The following COLQ variants were observed in gnomAD, a reference collection of about 807,000 sequenced individuals.
COLQ encodes the protein acetylcholinesterase collagenic tail peptide.
COLQ carries 48 observed loss-of-function variants against 69.0 expected under a neutral mutation model. That is an observed-to-expected ratio of 0.70 (90% CI 0.55 to 0.88). The LOEUF (loss-of-function observed/expected upper bound fraction) is 0.88. Among genes scored for constraint, COLQ ranks in the 40% least tolerant of loss-of-function variants. The pLI is 0.00. For synonymous variants in COLQ, 217 were observed against 211.2 expected (o/e 1.03, Z -0.24); for missense variants, 618 against 594.6 (o/e 1.04, Z -0.41).
In COLQ at chr3:15,478,978, T is replaced by A. The variant is rs1405120382; in HGVS notation, c.392A>T (p.Lys131Met). ...EKGELGRPGR[K>M]GRPGPPGVPG... ...CTCACAGAACAGCGCAGACCATACCTTCCTTCCTGGTCGGCCAAGCTCCCC... is the reference window on the plus strand; with the variant it reads ...CTCACAGAACAGCGCAGACCATACCATCCTTCCTGGTCGGCCAAGCTCCCC... Residue 131 changes from lysine to methionine, a missense_variant and splice_region_variant, in exon 5 of 17, where the codon AAG (lysine) becomes ATG (methionine). Lys to Met is a moderately conservative substitution (Grantham distance 95, BLOSUM62 -1). Coordinates refer to ENST00000383788, the MANE Select transcript of COLQ (RefSeq NM_005677.4). 6.2e-7 allele frequency: 1 copy of A among 1,614,192 alleles called. No individual in the cohort carries two copies. Among genetic ancestry groups the A allele is most frequent in the African/African-American group, 1.3e-5 (1 of 75,052 alleles).
At chr3:15,457,850 C>G (rs1322228284) in intron 13 of COLQ, among the ~76,000 whole-genome samples, 1 of 152,124 alleles carries the variant, frequency 6.6e-6, no homozygotes, top group Admixed American at 6.6e-5. Flanking sequence ...AACTCCTGAC[C>G]TTATAATCCA....
chr3:15,490,265 C>G (rs2062642303), intron 1 of COLQ, among the ~76,000 whole-genome samples: 1 of 152,184 alleles, frequency 6.6e-6, no homozygotes. Context: ...AAGTCTCACC[C>G]ATGTTCAATG....
At chr3:15,477,466 C>A in intron 5 of COLQ, 1 of 460,796 alleles carries the variant, frequency 2.2e-6, no homozygotes, top group African/African-American at 2.0e-5. Flanking sequence ...TCACTTCTAC[C>A]CACCCCCACC....
At chr3:15,460,119 C>A (rs1422477235) in intron 12 of COLQ, among the ~76,000 whole-genome samples, 5 of 152,204 alleles carry the variant, frequency 3.3e-5, no homozygotes, top group Admixed American at 3.3e-4. Flanking sequence ...CACAGCACTT[C>A]TCTTTGTGAT....
rs2061930441 is a variant in COLQ, at chr3:15,450,759, T to A, written c.*885A>T. 1.3e-5 allele frequency: 2 copies of A among 152,508 alleles called. No homozygotes were observed. Among genetic ancestry groups the A allele is most frequent in the East Asian group, 3.9e-4 (2 of 5,176 alleles). 9.4% of individuals were successfully genotyped at this position (152,508 alleles called of 1,614,324 possible). On this transcript the variant is annotated 3_prime_UTR_variant, in exon 17 of 17. Transcript: ENST00000383788. ...TAGATCGGGGACTCAGGGGAGTATC[T>A]GCCTAAGGACCAAGGAGACACCAAC...
chr3:15,468,494 C>A (rs2062235131), intron 11 of COLQ, among the ~76,000 whole-genome samples: 1 of 151,946 alleles, frequency 6.6e-6, no homozygotes, highest in Admixed American at 6.6e-5. Context: ...CCATGCCCAG[C>A]TAATTTTTGT....
intron 1 of COLQ, among the ~76,000 whole-genome samples, chr3:15,517,080 T>C (rs1460564088): frequency 1.3e-5 from 2 of 151,884 alleles, no homozygotes; most frequent in Non-Finnish European, 2.9e-5. Context: ...AGGCGGAGGG[T>C]TGCAGTGAGC....
Position 15,478,979 on chromosome 3 carries a change from T to C in COLQ, c.391A>G (p.Lys131Glu), listed in dbSNP as rs142980906. 3.4e-4 allele frequency: 548 copies of C among 1,614,164 alleles called. No individual in the cohort carries two copies. The highest frequency in any genetic ancestry group is 4.1e-4 in the Non-Finnish European group (488 of 1,180,022). Residue 131 changes from lysine (K) to glutamate (E), a missense_variant and splice_region_variant, in exon 5 of 17, where the codon AAG becomes GAG. Coordinates refer to ENST00000383788, the MANE Select transcript of COLQ (RefSeq NM_005677.4). ...TCACAGAACAGCGCAGACCATACCT[T>C]CCTTCCTGGTCGGCCAAGCTCCCCC... is the stretch of plus-strand genomic sequence containing the variant. ...EKGELGRPGR[K>E]GRPGPPGVPG...
intron 3 of COLQ, among the ~76,000 whole-genome samples, chr3:15,486,329 C>T (rs2062574023): frequency 6.6e-6 from 1 of 152,178 alleles, no homozygotes; most frequent in Non-Finnish European, 1.5e-5. Context: ...AGGGGGATGA[C>T]ATTCTGCATT....
At chr3:15,487,017 T>G (rs2062585788) in intron 3 of COLQ, among the ~76,000 whole-genome samples, 2 of 152,164 alleles carry the variant, frequency 1.3e-5, no homozygotes. Context: ...ACAGATATAG[T>G]TTGCCAACCC....
At chr3:15,521,391 G>C in intron 1 of COLQ, 129 bp downstream of exon 1, 2 of 1,267,414 alleles carry the variant, frequency 1.6e-6, no homozygotes, top group East Asian at 5.1e-5. Context: ...TGGGGTGGCC[G>C]TCTTCCTTCC....
intron 1 of COLQ, among the ~76,000 whole-genome samples, chr3:15,508,167 A>G (rs1320789947): frequency 1.3e-5 from 2 of 152,174 alleles, no homozygotes; most frequent in African/African-American, 4.8e-5. Context: ...TTATATTTAA[A>G]TCTTCATTCA....
At position 15,475,294 on chromosome 3, in the gene COLQ, G is replaced by A. The variant is rs114767801; in HGVS notation, c.528+131C>T. The A allele has an allele frequency of 2.2e-3, 1,992 of 913,164 alleles. 13 individuals are homozygous for A. The African/African-American group carries it at 0.026, about 12-fold the overall frequency. The allele number at this position is 913,164 out of a possible 1,614,324, so 56.6% of individuals were successfully genotyped here. On this transcript the variant is annotated intron_variant, in intron 7 of 16. Coordinates refer to ENST00000383788, the MANE Select transcript of COLQ (RefSeq NM_005677.4). ...GATGTTCTCCAAAGGGCTGGTAAAG[G>A]CAGGCTCTCCAATATCCGCGACATT...
At chr3:15,509,360 G>A (rs2062953576) in intron 1 of COLQ, among the ~76,000 whole-genome samples, 1 of 152,174 alleles carries the variant, frequency 6.6e-6, no homozygotes, top group Non-Finnish European at 1.5e-5. Context: ...GCTAGGTTTT[G>A]CATAGAGCTG....
At position 15,477,128 on chromosome 3, in the gene COLQ, T is replaced by G. The variant is rs1049214690; in HGVS notation, c.463A>C (p.Arg155=). 18 of 1,600,526 alleles carry G rather than the reference T, an allele frequency of 1.1e-5. No individual in the cohort carries two copies. The highest frequency in any genetic ancestry group is 1.4e-5 in the Non-Finnish European group (17 of 1,173,892). ...PIGWPGPEGP[R]GEKGDLGMMG... Reference sequence around the variant, plus strand: ...CCCTGAGAGCATGCCACACTTACCCTGGGTCCTTCAGGGCCTGGCCAACCG... The same window carrying G: ...CCCTGAGAGCATGCCACACTTACCCGGGGTCCTTCAGGGCCTGGCCAACCG... Residue 155 remains arginine (R), a splice_region_variant and synonymous_variant, in exon 6 of 17, where the codon AGG becomes CGG. Transcript: ENST00000383788.
At chr3:15,514,381 T>C (rs1180079336) in intron 1 of COLQ, among the ~76,000 whole-genome samples, 1 of 152,126 alleles carries the variant, frequency 6.6e-6, no homozygotes, top group Non-Finnish European at 1.5e-5. Flanking sequence ...TGTGTCTCAG[T>C]GGTCTGCAGT....
At chr3:15,515,985 G>A (rs1195393993) in intron 1 of COLQ, among the ~76,000 whole-genome samples, 1 of 152,114 alleles carries the variant, frequency 6.6e-6, no homozygotes, top group Non-Finnish European at 1.5e-5. Context: ...ACAGTAAGGT[G>A]GGGGGTTGGC....
At chr3:15,458,819 A>G (rs1300631932) in intron 12 of COLQ, among the ~76,000 whole-genome samples, 3 of 152,108 alleles carry the variant, frequency 2.0e-5, no homozygotes, top group Non-Finnish European at 4.4e-5. Context: ...ATTGTTTTAA[A>G]AAACTTTTGT....
intron 13 of COLQ, among the ~76,000 whole-genome samples, chr3:15,457,119 C>T (rs763921567): frequency 1.1e-4 from 17 of 152,038 alleles, no homozygotes; most frequent in East Asian, 7.7e-4. Context: ...CCACCGCGCC[C>T]GGCCTCGGAT....
Sources: allele counts gnomAD v4.1 joint callset (sites outside exome capture counted in the v4.1 genomes callset), GRCh38; gene constraint gnomAD v4.1.1; transcripts MANE v1.5; gene names NCBI Gene and HGNC (gene_info 2026-07-23, HGNC 2026-07-21).